Variants in CCDC196 observed in about 807,000 individuals in gnomAD.
CCDC196 encodes the protein coiled-coil domain containing 196.
chr14:66,491,356 G>A (rs527431154), intron 6 of CCDC196, among the ~76,000 whole-genome samples: 8 of 152,206 alleles, frequency 5.3e-5, no homozygotes, highest in East Asian at 3.9e-4. Flanking sequence ...CAGAACTTCC[G>A]TTCATTTGTC....
Position 66,491,027 on chromosome 14 carries a change from A to G in CCDC196, c.436A>G (p.Lys146Glu), listed in dbSNP as rs2057522937. 3 of 413,536 alleles carry G rather than the reference A, an allele frequency of 7.3e-6. No individual in the cohort carries two copies. Among genetic ancestry groups the G allele is most frequent in the Non-Finnish European group, 1.3e-5 (3 of 226,182 alleles). 25.6% of individuals were successfully genotyped at this position (413,536 alleles called of 1,614,324 possible). A position where few individuals can be genotyped will look rare whatever the true frequency, so the allele number is the denominator to read the frequency against. Residue 146 changes from lysine to glutamate, a missense_variant, in exon 6 of 10, where the codon AAA (lysine) becomes GAA (glutamate). Coordinates refer to ENST00000636229, the MANE Select transcript of CCDC196 (RefSeq NM_001351576.1). The part of the protein sequence containing the change: ...KADLQDGKAP[K>E]SPSSPRKTES... ...CTCTCTTCTTTCATCCCAGGCTCCC[A>G]AATCCCCCTCATCACCTAGGAAGAC...
intron 7 of CCDC196, among the ~76,000 whole-genome samples, 179 bp downstream of exon 7, chr14:66,491,864 T>C (rs892189566): frequency 7.2e-5 from 11 of 152,194 alleles, no homozygotes; most frequent in African/African-American, 2.7e-4. Flanking sequence ...GAATAAATGG[T>C]ATTTCTTCCT....
intron 8 of CCDC196, among the ~76,000 whole-genome samples, chr14:66,495,984 T>G (rs911728440): frequency 1.3e-5 from 2 of 152,138 alleles, no homozygotes; most frequent in Admixed American, 1.3e-4. Context: ...CCACAATCCT[T>G]GTAGAATAGT....
chr14:66,492,319 G>T (rs569666094), intron 8 of CCDC196, 125 bp downstream of exon 8: 4 of 378,980 alleles, frequency 1.1e-5, no homozygotes, highest in Non-Finnish European at 9.3e-6. Context: ...TAGTAGTACA[G>T]TAATTAATTT....
chr14:66,490,569 T>C (rs2057512179), intron 4 of CCDC196, among the ~76,000 whole-genome samples, 173 bp from the exon 5 acceptor site: 1 of 152,188 alleles, frequency 6.6e-6, no homozygotes, highest in Non-Finnish European at 1.5e-5. Context: ...CTCAAGGGAC[T>C]GAATGAAAGG....
At chr14:66,489,244 T>C (rs2057482208) in intron 4 of CCDC196, among the ~76,000 whole-genome samples, 1 of 152,340 alleles carries the variant, frequency 6.6e-6, no homozygotes, top group East Asian at 1.9e-4. Context: ...TTACAGCCAC[T>C]AATTGTGGCA....
intron 4 of CCDC196, among the ~76,000 whole-genome samples, 178 bp from the exon 5 acceptor site, chr14:66,490,564 G>A (rs567269700): frequency 6.6e-6 from 1 of 152,268 alleles, no homozygotes; most frequent in East Asian, 1.9e-4. Flanking sequence ...GTACACTCAA[G>A]GGACTGAATG....
rs1342638150 is a variant in CCDC196, at chr14:66,490,772, C to CA, written c.387dup (p.Ala130SerfsTer23). The CA allele has an allele frequency of 5.0e-6, 2 of 399,398 alleles. No individual in the cohort carries two copies. The highest frequency in any genetic ancestry group is 2.1e-5 in the African/African-American group (1 of 48,610). The allele number at this position is 399,398 out of a possible 1,614,324, so 24.7% of individuals were successfully genotyped here. A position where few individuals can be genotyped will look rare whatever the true frequency, so the allele number is the denominator to read the frequency against. ...CGAGGCAGAAGAACTTAGTGATCAA[C>CA]AAAAAGCACCACAGACAAAAAACAA... On this transcript the variant is annotated frameshift_variant, in exon 5 of 10. Coordinates refer to ENST00000636229, the MANE Select transcript of CCDC196 (RefSeq NM_001351576.1). LOFTEE classifies it high-confidence loss of function.
In CCDC196 at chr14:66,491,622, C is replaced by A. The variant is rs1228474217; in HGVS notation, c.514-4C>A. 4 of 413,694 alleles carry A rather than the reference C, an allele frequency of 9.7e-6. No individual in the cohort carries two copies. The highest frequency in any genetic ancestry group is 1.8e-5 in the Non-Finnish European group (4 of 226,234). The allele number at this position is 413,694 out of a possible 1,614,324, so 25.6% of individuals were successfully genotyped here. ...TGTCACCCAGAGGCTCTTTCTTCCA[C>A]CAGGAAAAGCAACAGAGGAAAATGG... On this transcript the variant is annotated splice_region_variant and splice_polypyrimidine_tract_variant and intron_variant, in intron 6 of 9. Coordinates refer to ENST00000636229, the MANE Select transcript of CCDC196 (RefSeq NM_001351576.1).
intron 8 of CCDC196, among the ~76,000 whole-genome samples, 152 bp from the exon 9 acceptor site, chr14:66,497,957 A>G (rs1349528163): frequency 1.3e-5 from 2 of 151,674 alleles, no homozygotes; most frequent in Admixed American, 1.3e-4. Flanking sequence ...CTTCTGAAAT[A>G]TTGTTTGACA....
chr14:66,496,152 C>A, intron 8 of CCDC196: 1 of 402,476 alleles, frequency 2.5e-6, no homozygotes, highest in South Asian at 1.9e-5. Flanking sequence ...AATTGAATTG[C>A]ACAAACCTGT....
At chr14:66,495,195 C>T (rs1274997300) in intron 8 of CCDC196, among the ~76,000 whole-genome samples, 2 of 152,058 alleles carry the variant, frequency 1.3e-5, no homozygotes, top group East Asian at 3.9e-4. Flanking sequence ...CAATTGCCAC[C>T]TAAAATCATC....
intron 2 of CCDC196, 64 bp from the exon 3 acceptor site, chr14:66,488,096 T>C: frequency 2.4e-6 from 1 of 411,266 alleles, no homozygotes; most frequent in Non-Finnish European, 4.4e-6. Context: ...TCTGACTAGT[T>C]GCAGAACATC....
Position 66,492,201 on chromosome 14 carries a change from A to G in CCDC196, c.715+7A>G. Reference sequence around the variant, plus strand: ...AATCTTCCTGGGTCCCAAGGTAGGTAGAATATCCCAGGTACACAGTTTGAG... The same window carrying G: ...AATCTTCCTGGGTCCCAAGGTAGGTGGAATATCCCAGGTACACAGTTTGAG... On this transcript the variant is annotated splice_region_variant and intron_variant, in intron 8 of 9. Coordinates refer to ENST00000636229, the MANE Select transcript of CCDC196 (RefSeq NM_001351576.1). 1 of 413,848 alleles carries G rather than the reference A, an allele frequency of 2.4e-6. No individual in the cohort carries two copies. The highest frequency in any genetic ancestry group is 4.4e-6 in the Non-Finnish European group (1 of 226,222). The allele number at this position is 413,848 out of a possible 1,614,324, so 25.6% of individuals were successfully genotyped here.
At chr14:66,489,489 T>C (rs2139584783) in intron 4 of CCDC196, among the ~76,000 whole-genome samples, 1 of 152,322 alleles carries the variant, frequency 6.6e-6, no homozygotes, top group East Asian at 1.9e-4. Context: ...CCATCCTTGT[T>C]TGCTCCATCT....
intron 3 of CCDC196, 126 bp downstream of exon 3, chr14:66,488,382 C>T: frequency 2.5e-6 from 1 of 396,144 alleles, no homozygotes; most frequent in Non-Finnish European, 4.5e-6. Flanking sequence ...CTCATATCTC[C>T]TTGATCTAGA....
chr14:66,492,018 C>A, intron 7 of CCDC196, 35 bp from the exon 8 acceptor site: 1 of 412,806 alleles, frequency 2.4e-6, no homozygotes, highest in Non-Finnish European at 4.4e-6. Context: ...GAAGCCAATC[C>A]TATATGTGTA....
intron 8 of CCDC196, among the ~76,000 whole-genome samples, chr14:66,497,630 C>A (rs934881852): frequency 6.6e-6 from 1 of 152,098 alleles, no homozygotes; most frequent in Non-Finnish European, 1.5e-5. Flanking sequence ...TAATTTAGAA[C>A]AGACTCACTA....
chr14:66,497,161 G>A (rs1026587195), intron 8 of CCDC196, among the ~76,000 whole-genome samples: 3 of 152,184 alleles, frequency 2.0e-5, no homozygotes, highest in Non-Finnish European at 4.4e-5. Context: ...TTGCTTTCAA[G>A]TACAGGCTTT....
Sources: gnomAD v4.1 joint callset for allele counts (sites outside exome capture counted in the v4.1 genomes callset) on GRCh38, gnomAD v4.1.1 for gene constraint, MANE v1.5 for transcripts, NCBI Gene and HGNC (gene_info 2026-07-23, HGNC 2026-07-21) for gene names.